MECOM: variants seen among roughly 807,000 people sequenced by gnomAD.
MECOM encodes the protein histone-lysine N-methyltransferase MECOM.
MECOM carries 13 observed loss-of-function variants against 116.3 expected under a neutral mutation model. That is an observed-to-expected ratio of 0.11 (90% confidence interval 0.07 to 0.18). The LOEUF is 0.18. MECOM is among the 10% of genes least tolerant of loss of function. The pLI, the probability that MECOM is intolerant of heterozygous loss-of-function variation, is 1.00. For synonymous variants in MECOM, 528 were observed against 535.2 expected, an observed-to-expected ratio of 0.99 and a Z score of 0.19; for missense variants, 1,299 against 1,509.0, an observed-to-expected ratio of 0.86 and a Z score of 2.31.
intron 2 of MECOM, among the ~76,000 whole-genome samples, chr3:169,312,365 A>ATT (rs367932449): frequency 0.019 from 2,215 of 118,414 alleles, 66 homozygotes; most frequent in African/African-American, 0.036. Flanking sequence ...AATGACTGCA[A>ATT]TTTTTTTTTT....
At chr3:169,267,585 A>G (rs1296595774) in intron 2 of MECOM, among the ~76,000 whole-genome samples, 1 of 152,120 alleles carries the variant, frequency 6.6e-6, no homozygotes, top group Non-Finnish European at 1.5e-5. Context: ...CTGGGATGGA[A>G]CATTAGCCTA....
chr3:169,253,495 T>G (rs1034640070), intron 2 of MECOM, among the ~76,000 whole-genome samples: 1 of 152,036 alleles, frequency 6.6e-6, no homozygotes, highest in African/African-American at 2.4e-5. Context: ...AGTTATATAT[T>G]TATCAGTAAG....
At chr3:169,423,142 T>G (rs529237656) in intron 1 of MECOM, among the ~76,000 whole-genome samples, 64 of 152,180 alleles carry the variant, frequency 4.2e-4, no homozygotes, top group Middle Eastern at 6.8e-3. Flanking sequence ...CCTAGGAGAT[T>G]CTAATGCTGC....
intron 2 of MECOM, among the ~76,000 whole-genome samples, chr3:169,312,160 T>C (rs1021204342): frequency 1.3e-5 from 2 of 152,168 alleles, no homozygotes; most frequent in South Asian, 2.1e-4. Flanking sequence ...GAACAGATTA[T>C]GGCACAACAA....
intron 2 of MECOM, among the ~76,000 whole-genome samples, chr3:169,349,673 A>G (rs1274928498): frequency 1.3e-5 from 2 of 151,960 alleles, no homozygotes; most frequent in African/African-American, 4.8e-5. Context: ...TATGCTTTCT[A>G]GATAAATTGT....
At chr3:169,142,758 T>C (rs539797086) in intron 3 of MECOM, among the ~76,000 whole-genome samples, 1 of 151,946 alleles carries the variant, frequency 6.6e-6, no homozygotes, top group African/African-American at 2.4e-5. Flanking sequence ...CTTAGACCAA[T>C]TGACAGTAGC....
intron 2 of MECOM, among the ~76,000 whole-genome samples, chr3:169,191,708 GAAAGAAAGAAAA>G (rs1384499693): frequency 2.4e-5 from 1 of 42,136 alleles, no homozygotes; most frequent in Admixed American, 2.7e-4. Flanking sequence ...AGAAAAGAAA[GAAAGAAAGAAAA>G]AAAGAAAGAA....
intron 1 of MECOM, among the ~76,000 whole-genome samples, chr3:169,451,277 A>T (rs1166557121): frequency 6.6e-6 from 1 of 151,230 alleles, no homozygotes; most frequent in Non-Finnish European, 1.5e-5. Flanking sequence ...AAAATGTGAT[A>T]TTCACAAGTG....
At chr3:169,311,177 T>C (rs761776795) in intron 2 of MECOM, among the ~76,000 whole-genome samples, 4 of 152,334 alleles carry the variant, frequency 2.6e-5, no homozygotes, top group Non-Finnish European at 4.4e-5. Flanking sequence ...ATAATAACTA[T>C]ATTCAATTAT....
chr3:169,354,619 T>C (rs1220924626), intron 2 of MECOM, among the ~76,000 whole-genome samples: 6 of 151,900 alleles, frequency 3.9e-5, no homozygotes, highest in African/African-American at 1.4e-4. Context: ...CTTTAGAAAA[T>C]GTGTGCAAAG....
intron 2 of MECOM, among the ~76,000 whole-genome samples, chr3:169,283,156 A>G (rs1203097332): frequency 6.6e-6 from 1 of 152,196 alleles, no homozygotes; most frequent in Non-Finnish European, 1.5e-5. Context: ...AAATGATTAC[A>G]GAATTTAGGG....
chr3:169,119,764 G>A (rs901445606), intron 7 of MECOM, among the ~76,000 whole-genome samples: 6 of 151,824 alleles, frequency 4.0e-5, no homozygotes, highest in South Asian at 2.1e-4. Context: ...GCCTTTTTGC[G>A]ACAAGAAGTC....
chr3:169,120,977 T>C (rs1475113028), intron 7 of MECOM, 79 bp downstream of exon 7: 3 of 1,461,838 alleles, frequency 2.1e-6, no homozygotes, highest in Non-Finnish European at 2.8e-6. Flanking sequence ...AAAGGCCATG[T>C]GCAGCCACTC....
At position 169,256,530 on chromosome 3, in the gene MECOM, G is replaced by A. The variant is rs370907508; in HGVS notation, c.376-112698C>T. On this transcript the variant is annotated intron_variant, in intron 2 of 16. Transcript: ENST00000651503. The stretch of plus-strand genomic sequence containing the variant: ...AATTATTTCTAACAGTCATTTCAAA[G>A]GTCTAAATGGCCATGACTTTTACTA... 5.3e-5 allele frequency among the ~76,000 whole-genome samples: 8 copies of A among 152,214 alleles called. No individual in the cohort carries two copies. The South Asian group carries it at 1.7e-3, about 32-fold the overall frequency.
chr3:169,658,625 C>G lies in MECOM; in HGVS notation c.37+4711G>C, dbSNP rs763819332. ...AGCCTGAGGAGCGAGGTGTAGGGGG[C>G]CCCCTGAGTGAGAAACTGCCTCCCA... On this transcript the variant is annotated intron_variant, in intron 1 of 16. Transcript: ENST00000651503. Among the ~76,000 whole-genome samples, 9 of 152,070 alleles carry G rather than the reference C, an allele frequency of 5.9e-5. No homozygotes were observed. In the East Asian group the frequency reaches 1.5e-3, roughly 26 times the overall value.
chr3:169,448,358 T>A (rs1745003162), intron 1 of MECOM, among the ~76,000 whole-genome samples: 1 of 152,192 alleles, frequency 6.6e-6, no homozygotes, highest in Admixed American at 6.5e-5. Flanking sequence ...ATGCTAAGCA[T>A]CTTCTATACA....
At chr3:169,271,060 G>A (rs1211481986) in intron 2 of MECOM, among the ~76,000 whole-genome samples, 2 of 152,170 alleles carry the variant, frequency 1.3e-5, no homozygotes, top group Non-Finnish European at 1.5e-5. Context: ...CAGTAACAAA[G>A]ACAAGTCCGA....
chr3:169,150,279 G>A (rs1740986812), intron 2 of MECOM, among the ~76,000 whole-genome samples: 1 of 152,148 alleles, frequency 6.6e-6, no homozygotes, highest in South Asian at 2.1e-4. Flanking sequence ...TTTGCAAGGG[G>A]CTTGCTTCTT....
chr3:169,213,708 A>G (rs12493816), intron 2 of MECOM, among the ~76,000 whole-genome samples: 50,979 of 152,026 alleles, frequency 0.34, 9,425 homozygotes, highest in Middle Eastern at 0.55. Flanking sequence ...GGTACTCTTT[A>G]AAGACTGACC....
Sources: gnomAD v4.1 joint callset for allele counts (sites outside exome capture counted in the v4.1 genomes callset) on GRCh38, gnomAD v4.1.1 for gene constraint, MANE v1.5 for transcripts, NCBI Gene and HGNC (gene_info 2026-07-23, HGNC 2026-07-21) for gene names.